MARCHF3: variants seen among roughly 807,000 people sequenced by gnomAD.
The protein encoded by MARCHF3 is membrane associated ring-CH-type finger 3, also known as E3 ubiquitin-protein ligase MARCHF3.
MARCHF3 carries 13 observed loss-of-function variants against 24.2 expected under a neutral mutation model. The observed-to-expected ratio is 0.54, with a 90% CI of 0.35 to 0.85. The LOEUF (loss-of-function observed/expected upper bound fraction) is 0.85, where lower values mean the gene tolerates loss of function less well. MARCHF3 is among the 40% of genes least tolerant of loss of function. The pLI, the probability that MARCHF3 is intolerant of heterozygous loss-of-function variation, is 0.01. For missense variants in MARCHF3, 276 were observed against 325.0 expected, an observed-to-expected ratio of 0.85 and a Z score of 1.16; for synonymous variants, 144 against 137.3, an observed-to-expected ratio of 1.05 and a Z score of -0.34.
At chr5:127,028,690 A>C (rs1347198774) in intron 1 of MARCHF3, among the ~76,000 whole-genome samples, 6 of 152,114 alleles carry the variant, frequency 3.9e-5, no homozygotes, top group Admixed American at 3.9e-4. Flanking sequence ...TGATGTGACA[A>C]GCACCACATT....
chr5:126,898,867 A>G (rs987082746), intron 3 of MARCHF3: 1 of 984,802 alleles, frequency 1.0e-6, no homozygotes, highest in African/African-American at 1.7e-5. Context: ...TAATGAGTAG[A>G]AAACATTTCA....
At chr5:126,885,990 GTATA>G (rs150937892) in intron 3 of MARCHF3, among the ~76,000 whole-genome samples, 10 of 147,224 alleles carry the variant, frequency 6.8e-5, no homozygotes, top group African/African-American at 2.2e-4. Flanking sequence ...CAATTACTAT[GTATA>G]TATATATATA....
intron 1 of MARCHF3, among the ~76,000 whole-genome samples, chr5:126,939,360 C>T (rs1197302620): frequency 6.6e-6 from 1 of 152,130 alleles, no homozygotes; most frequent in African/African-American, 2.4e-5. Flanking sequence ...ACAAAAGGTC[C>T]AGGAGCGGCT....
intron 1 of MARCHF3, among the ~76,000 whole-genome samples, chr5:126,978,319 C>A (rs1038034738): frequency 7.2e-5 from 11 of 152,078 alleles, no homozygotes; most frequent in Non-Finnish European, 4.4e-5. Context: ...ATTCGGGTCA[C>A]CAACCGATAA....
chr5:127,004,558 A>T (rs1752245909), intron 1 of MARCHF3, among the ~76,000 whole-genome samples: 1 of 152,194 alleles, frequency 6.6e-6, no homozygotes, highest in Non-Finnish European at 1.5e-5. Flanking sequence ...CATGAAGCTT[A>T]TGAAATTCCA....
intron 1 of MARCHF3, among the ~76,000 whole-genome samples, chr5:126,931,204 C>A (rs1263195717): frequency 6.6e-6 from 1 of 152,068 alleles, no homozygotes; most frequent in Non-Finnish European, 1.5e-5. Context: ...GCCAAGGAGG[C>A]TGGCCAGGAT....
At chr5:126,957,685 C>T (rs1210191933) in intron 1 of MARCHF3, among the ~76,000 whole-genome samples, 1 of 152,062 alleles carries the variant, frequency 6.6e-6, no homozygotes, top group Non-Finnish European at 1.5e-5. Flanking sequence ...TGTAAAACAT[C>T]ACATTTAAAA....
chr5:126,960,472 A>G (rs1025579441), intron 1 of MARCHF3, among the ~76,000 whole-genome samples: 1 of 152,182 alleles, frequency 6.6e-6, no homozygotes, highest in Non-Finnish European at 1.5e-5. Context: ...ATGATATTCA[A>G]TACCCTTACA....
At position 126,910,373 on chromosome 5, in the gene MARCHF3, G is replaced by A. The variant is rs111802019; in HGVS notation, c.393+4557C>T. 1.1e-3 allele frequency among the ~76,000 whole-genome samples: 170 copies of A among 152,320 alleles called. 1 individual carries two copies. The highest frequency in any genetic ancestry group is 3.9e-3 in the African/African-American group (163 of 41,566). On this transcript the variant is annotated intron_variant, in intron 3 of 4. Transcript: ENST00000308660. ...CTTGGCAAACTGGTCAACCAGAAAT[G>A]CATTAATGGCAAAAGGCTGGAGTCA...
At chr5:126,908,803 A>G (rs1754398576) in intron 3 of MARCHF3, among the ~76,000 whole-genome samples, 1 of 151,878 alleles carries the variant, frequency 6.6e-6, no homozygotes, top group Non-Finnish European at 1.5e-5. Context: ...CATCGTCTGA[A>G]GCCTTCTTCT....
chr5:126,991,823 C>T (rs1751773179), intron 1 of MARCHF3, among the ~76,000 whole-genome samples: 1 of 152,088 alleles, frequency 6.6e-6, no homozygotes. Context: ...GGCAAATGTA[C>T]GCCTCGACCT....
chr5:126,947,166 CCAAAGGGCTCATTCCCCCG>C (rs1750053419), intron 1 of MARCHF3, among the ~76,000 whole-genome samples: 1 of 152,136 alleles, frequency 6.6e-6, no homozygotes, highest in African/African-American at 2.4e-5. Context: ...CCTAGAGTTT[CCAAAGGGCTCATTCCCCCG>C]CATATGCAAC....
At chr5:126,910,120 G>GA (rs1398167830) in intron 3 of MARCHF3, among the ~76,000 whole-genome samples, 2 of 152,124 alleles carry the variant, frequency 1.3e-5, no homozygotes, top group South Asian at 4.1e-4. Flanking sequence ...CTGATTAGAG[G>GA]AAAAAATCAG....
chr5:126,966,425 C>T (rs550728016), intron 1 of MARCHF3, among the ~76,000 whole-genome samples: 1 of 152,154 alleles, frequency 6.6e-6, no homozygotes, highest in Non-Finnish European at 1.5e-5. Flanking sequence ...CATCTCAGTT[C>T]CCTCCATCCC....
chr5:126,919,251 A>C (rs1749016150), intron 1 of MARCHF3, among the ~76,000 whole-genome samples: 2 of 152,200 alleles, frequency 1.3e-5, no homozygotes, highest in Non-Finnish European at 2.9e-5. Context: ...CATGTGACAC[A>C]TAAGAAATAG....
chr5:126,941,995 T>A (rs1369087439), intron 1 of MARCHF3, among the ~76,000 whole-genome samples: 1 of 152,202 alleles, frequency 6.6e-6, no homozygotes, highest in African/African-American at 2.4e-5. Flanking sequence ...TCCTGCTCAG[T>A]GCATCTTACC....
chr5:126,972,190 G>A (rs527350136), intron 1 of MARCHF3, among the ~76,000 whole-genome samples: 1 of 150,264 alleles, frequency 6.7e-6, no homozygotes, highest in African/African-American at 2.5e-5. Context: ...AGTACAACGA[G>A]TGGGATTTGC....
chr5:126,888,851 AC>A (rs747086920), intron 3 of MARCHF3, among the ~76,000 whole-genome samples: 2 of 152,020 alleles, frequency 1.3e-5, no homozygotes, highest in Non-Finnish European at 2.9e-5. Context: ...TGCAACCTCC[AC>A]CTCCCAGGTT....
intron 1 of MARCHF3, among the ~76,000 whole-genome samples, chr5:126,985,683 G>T (rs1751542305): frequency 6.6e-6 from 1 of 151,912 alleles, no homozygotes; most frequent in African/African-American, 2.4e-5. Context: ...CACCATGTTG[G>T]CCAGGATGGT....
Sources: gnomAD v4.1 joint callset for allele counts (sites outside exome capture counted in the v4.1 genomes callset) on GRCh38, gnomAD v4.1.1 for gene constraint, MANE v1.5 for transcripts, NCBI Gene and HGNC (gene_info 2026-07-23, HGNC 2026-07-21) for gene names.